Variants in NBEA observed in about 807,000 individuals in gnomAD.
NBEA encodes neurobeachin, also known as lysosomal-trafficking regulator 2.
Under a neutral mutation model 343.4 loss-of-function variants are expected in NBEA, and 44 were observed. The ratio of observed to expected loss-of-function variants is 0.13; its 90% CI spans 0.10 to 0.16. NBEA has a LOEUF of 0.16. NBEA is among the 10% of genes least tolerant of loss of function. The probability of loss-of-function intolerance (pLI) is 1.00; values close to 1 mark genes in which losing one functional copy is unlikely to be tolerated. For synonymous variants in NBEA, 1,175 were observed against 1,238.7 expected, an observed-to-expected ratio of 0.95 and a Z score of 1.08; for missense variants, 2,555 against 3,631.3, an observed-to-expected ratio of 0.70 and a Z score of 7.62.
intron 45 of NBEA, among the ~76,000 whole-genome samples, chr13:35,575,740 A>G (rs1028739787): frequency 2.0e-5 from 3 of 152,158 alleles, no homozygotes; most frequent in Admixed American, 2.0e-4. Flanking sequence ...TGTGCCTATA[A>G]TCAAGGTTTT....
chr13:35,009,206 T>C (rs1448171741), intron 1 of NBEA, among the ~76,000 whole-genome samples: 1 of 152,208 alleles, frequency 6.6e-6, no homozygotes, highest in East Asian at 1.9e-4. Context: ...ACTGGAGGTA[T>C]AGTAGTGTAC....
intron 41 of NBEA, among the ~76,000 whole-genome samples, chr13:35,527,799 C>T (rs748723938): frequency 3.9e-5 from 6 of 152,130 alleles, no homozygotes; most frequent in East Asian, 3.9e-4. Context: ...CAGTAGGAGG[C>T]GGGGCTCCCA....
intron 1 of NBEA, among the ~76,000 whole-genome samples, chr13:34,985,949 G>T (rs1381089853): frequency 6.7e-6 from 1 of 150,090 alleles, no homozygotes; most frequent in African/African-American, 2.4e-5. Context: ...AGTCTTGCTA[G>T]CAGTCTATCA....
intron 31 of NBEA, among the ~76,000 whole-genome samples, chr13:35,203,734 T>G (rs2073180839): frequency 6.6e-6 from 1 of 152,204 alleles, no homozygotes. Flanking sequence ...ATTAGTCAAT[T>G]TATTAAAATC....
Position 35,481,220 on chromosome 13 carries a change from G to T in NBEA, c.6585+8684G>T, listed in dbSNP as rs541943190. ...AATAAGCTTGATATTGGTATTAATA[G>T]GTTTTTGAAAAGAAAATTTTGAGAT... On this transcript the variant is annotated intron_variant, in intron 41 of 58. Coordinates refer to ENST00000379939, the MANE Select transcript of NBEA (RefSeq NM_001385012.1). 4.2e-3 allele frequency among the ~76,000 whole-genome samples: 636 copies of T among 151,864 alleles called. 2 individuals carry two copies. Among genetic ancestry groups the T allele is most frequent in the Non-Finnish European group, 6.9e-3 (468 of 67,742 alleles).
At chr13:35,610,274 T>A (rs1449907575) in intron 48 of NBEA, among the ~76,000 whole-genome samples, 2 of 152,162 alleles carry the variant, frequency 1.3e-5, no homozygotes, top group Non-Finnish European at 2.9e-5. Flanking sequence ...GTGTCTGTGA[T>A]TCCAGCTACT....
At chr13:35,586,650 G>A (rs890712572) in intron 46 of NBEA, among the ~76,000 whole-genome samples, 2 of 151,938 alleles carry the variant, frequency 1.3e-5, no homozygotes, top group Non-Finnish European at 2.9e-5. Flanking sequence ...TTTTAAATCC[G>A]GCACTTTTAA....
chr13:35,168,571 A>G (rs1449657811), intron 24 of NBEA, among the ~76,000 whole-genome samples: 1 of 151,598 alleles, frequency 6.6e-6, no homozygotes, highest in Non-Finnish European at 1.5e-5. Context: ...TGGTATAAAT[A>G]GTTCATTTCC....
intron 40 of NBEA, among the ~76,000 whole-genome samples, chr13:35,459,491 GA>G (rs528609091): frequency 1.1e-3 from 150 of 141,406 alleles, no homozygotes; most frequent in Middle Eastern, 3.5e-3. Context: ...GATTGTGATA[GA>G]AAAAAAAAAA....
At chr13:35,563,871 G>A (rs956384848) in intron 44 of NBEA, among the ~76,000 whole-genome samples, 2 of 48,750 alleles carry the variant, frequency 4.1e-5, no homozygotes, top group African/African-American at 5.2e-5. Flanking sequence ...TCCTAAAATA[G>A]CATTATTTTT....
chr13:34,953,142 C>T (rs2059396760), intron 1 of NBEA, among the ~76,000 whole-genome samples: 1 of 152,042 alleles, frequency 6.6e-6, no homozygotes, highest in South Asian at 2.1e-4. Flanking sequence ...ATCATCTTGA[C>T]CTATATTGTG....
At chr13:35,134,459 A>C (rs1467856911) in intron 17 of NBEA, among the ~76,000 whole-genome samples, 3 of 151,970 alleles carry the variant, frequency 2.0e-5, no homozygotes, top group Admixed American at 1.3e-4. Context: ...AATGTGATAA[A>C]ATTGGAAATA....
Position 35,159,594 on chromosome 13 carries a change from T to C in NBEA, c.3423T>C (p.Asn1141=). The change falls in exon 22 of 59, where the codon AAT becomes AAC. Residue 1141 remains asparagine (N), a synonymous_variant. Transcript: ENST00000379939. ...TLADEKEDLP[N]SSTSFLFDKI... ...CAGATGAGAAAGAAGACCTTCCCAA[T>C]AGTAGTACATCATTTCTCTTTGATA... 1.2e-6 allele frequency: 2 copies of C among 1,611,984 alleles called. No individual in the cohort carries two copies. Among genetic ancestry groups the C allele is most frequent in the East Asian group, 2.2e-5 (1 of 44,746 alleles).
intron 34 of NBEA, among the ~76,000 whole-genome samples, chr13:35,274,505 T>C (rs2034433294): frequency 6.6e-6 from 1 of 152,152 alleles, no homozygotes; most frequent in South Asian, 2.1e-4. Context: ...TATTCAAAGT[T>C]CTGGCCAGGG....
At position 35,142,252 on chromosome 13, in the gene NBEA, TTCC is replaced by T; in HGVS notation, c.2337-12_2337-10del. On this transcript the variant is annotated splice_polypyrimidine_tract_variant and intron_variant, in intron 17 of 58. Coordinates refer to ENST00000379939, the MANE Select transcript of NBEA (RefSeq NM_001385012.1). ...CAATGTGTTTCATGGTGTTTTATTT[TTCC>T]TCCTTCTCTCCAGGAGAAAAGTTGA... 2.6e-6 allele frequency: 4 copies of T among 1,555,624 alleles called. No homozygotes were observed. The highest frequency in any genetic ancestry group is 3.5e-6 in the Non-Finnish European group (4 of 1,130,086).
chr13:35,289,639 GAAT>G (rs1433961392), intron 34 of NBEA, among the ~76,000 whole-genome samples: 7 of 151,774 alleles, frequency 4.6e-5, no homozygotes, highest in Non-Finnish European at 1.0e-4. Flanking sequence ...TGTAGAATGG[GAAT>G]AATAATACTA....
intron 44 of NBEA, among the ~76,000 whole-genome samples, chr13:35,562,617 T>G (rs1200803336): frequency 6.6e-6 from 1 of 152,020 alleles, no homozygotes; most frequent in African/African-American, 2.4e-5. Flanking sequence ...CCTGGTTAAT[T>G]ATGTATATAT....
chr13:35,662,661 C>T (rs1324795077), intron 55 of NBEA, among the ~76,000 whole-genome samples: 1 of 151,998 alleles, frequency 6.6e-6, no homozygotes, highest in Non-Finnish European at 1.5e-5. Context: ...CTGGGGAAAT[C>T]GTAATGAAAA....
chr13:35,368,190 G>A (rs924861968), intron 38 of NBEA, among the ~76,000 whole-genome samples: 2 of 151,348 alleles, frequency 1.3e-5, no homozygotes, highest in African/African-American at 4.8e-5. Context: ...TCTTATATAG[G>A]TCCTTTCAAT....
Sources: allele counts gnomAD v4.1 joint callset (sites outside exome capture counted in the v4.1 genomes callset), GRCh38; gene constraint gnomAD v4.1.1; transcripts MANE v1.5; gene names NCBI Gene and HGNC (gene_info 2026-07-23, HGNC 2026-07-21).